The following GYS2 variants were observed in gnomAD, a reference collection of about 807,000 sequenced individuals.
GYS2 encodes glycogen synthase 2.
A neutral mutation model predicts 85.6 loss-of-function variants in GYS2; 80 were observed. The ratio of observed to expected loss-of-function variants is 0.93; its 90% CI spans 0.78 to 1.13. The LOEUF (loss-of-function observed/expected upper bound fraction) is 1.13, where lower values mean the gene tolerates loss of function less well. Among genes scored for constraint, GYS2 ranks in the 50% most tolerant of loss-of-function variants. The pLI is 0.00. For missense variants in GYS2, 881 were observed against 854.9 expected (o/e 1.03, Z -0.38); for synonymous variants, 328 against 300.7 (o/e 1.09, Z -0.94).
intron 10 of GYS2, 134 bp downstream of exon 10, chr12:21,558,957 G>C (rs1848229384): frequency 8.8e-6 from 5 of 568,248 alleles, no homozygotes; most frequent in African/African-American, 1.9e-5. Context: ...AATCATTTAA[G>C]TGACTATGTA....
chr12:21,538,661 T>A (rs1943937554), intron 15 of GYS2, among the ~76,000 whole-genome samples: 1 of 152,180 alleles, frequency 6.6e-6, no homozygotes, highest in African/African-American at 2.4e-5. Flanking sequence ...CTGTGTAGAC[T>A]ACTGCAAGGA....
intron 2 of GYS2, among the ~76,000 whole-genome samples, chr12:21,578,373 C>A (rs900013587): frequency 3.3e-5 from 5 of 152,146 alleles, no homozygotes; most frequent in African/African-American, 4.8e-5. Flanking sequence ...TCTTGGGCCA[C>A]CTTGACCCAT....
rs577813036 is a variant in GYS2 at position 21,536,149 on chromosome 12, A to G, written c.*805T>C. Reference sequence around the variant, plus strand: ...TGTGTTTATTTACTTGGATTTAACAACTTATCATCTATGAAGAAACAAGGC... The same window carrying G: ...TGTGTTTATTTACTTGGATTTAACAGCTTATCATCTATGAAGAAACAAGGC... On this transcript the variant is annotated 3_prime_UTR_variant, in exon 16 of 16. Transcript: ENST00000261195. 6.6e-6 allele frequency: 1 copy of G among 152,336 alleles called. No individual in the cohort carries two copies. The highest frequency in any genetic ancestry group is 2.1e-4 in the South Asian group (1 of 4,820). 9.4% of individuals were successfully genotyped at this position (152,336 alleles called of 1,614,324 possible). A position where few individuals can be genotyped will look rare whatever the true frequency, so the allele number is the denominator to read the frequency against.
At chr12:21,595,068 A>T (rs763699070) in intron 1 of GYS2, among the ~76,000 whole-genome samples, 3 of 152,152 alleles carry the variant, frequency 2.0e-5, no homozygotes, top group Non-Finnish European at 2.9e-5. Context: ...AAAAGAATAA[A>T]ACTGGACTGC....
At chr12:21,598,352 G>C (rs1437831638) in intron 1 of GYS2, among the ~76,000 whole-genome samples, 1 of 151,880 alleles carries the variant, frequency 6.6e-6, no homozygotes. Context: ...AAAGAAAGTC[G>C]ATCTCATATT....
chr12:21,568,036 C>G (rs753950580), intron 5 of GYS2, among the ~76,000 whole-genome samples: 10 of 151,546 alleles, frequency 6.6e-5, no homozygotes, highest in Non-Finnish European at 1.3e-4. Context: ...CACGCCACTG[C>G]ACTCCAGCCT....
Position 21,572,484 on chromosome 12 carries a change from T to G in GYS2, c.678+1660A>C, listed in dbSNP as rs74066717. ...TCTTATGTGTCACCCAAATTCTAAATTTAGTGTGAGCATGGGGGCTTCTGC... is the reference window on the plus strand; with the variant it reads ...TCTTATGTGTCACCCAAATTCTAAAGTTAGTGTGAGCATGGGGGCTTCTGC... On this transcript the variant is annotated intron_variant, in intron 4 of 15. Transcript: ENST00000261195. Among the ~76,000 whole-genome samples, 1,432 of 152,274 alleles carry G rather than the reference T, an allele frequency of 9.4e-3. 24 individuals are homozygous for G. Among genetic ancestry groups the G allele is most frequent in the African/African-American group, 0.032 (1,348 of 41,544 alleles).
At chr12:21,579,930 T>C (rs1428672369) in intron 2 of GYS2, among the ~76,000 whole-genome samples, 1 of 152,258 alleles carries the variant, frequency 6.6e-6, no homozygotes, top group African/African-American at 2.4e-5. Context: ...TCCTTGGTTG[T>C]ACATCATTAG....
chr12:21,591,003 A>C (rs10770839), intron 1 of GYS2, among the ~76,000 whole-genome samples: 87,120 of 152,028 alleles, frequency 0.57, 26,193 homozygotes, highest in East Asian at 0.83. Flanking sequence ...TACAAAAACA[A>C]ATTTACAAAA....
chr12:21,548,399 A>C (rs1445053602), intron 11 of GYS2, among the ~76,000 whole-genome samples: 1 of 152,130 alleles, frequency 6.6e-6, no homozygotes, highest in Non-Finnish European at 1.5e-5. Context: ...GTAGCACATC[A>C]TTATAAAGCA....
In GYS2 at chr12:21,537,195, G is replaced by T; in HGVS notation, c.1891-20C>A. 1 of 1,547,362 alleles carries T rather than the reference G, an allele frequency of 6.5e-7. No individual in the cohort carries two copies. Among genetic ancestry groups the T allele is most frequent in the Non-Finnish European group, 8.9e-7 (1 of 1,119,850 alleles). On this transcript the variant is annotated intron_variant, in intron 15 of 15. Transcript: ENST00000261195. ...TTCTGTCTGCCAAAGACAAAAATAA[G>T]ACATAAACATCACAACAGTTTCTTG...
chr12:21,554,016 C>T (rs1194736467), intron 11 of GYS2, among the ~76,000 whole-genome samples: 1 of 152,164 alleles, frequency 6.6e-6, no homozygotes, highest in Non-Finnish European at 1.5e-5. Context: ...GTGTGAGGCA[C>T]AAGTGCTGCT....
At chr12:21,562,848 A>C in intron 7 of GYS2, 70 bp downstream of exon 7, 1 of 1,574,554 alleles carries the variant, frequency 6.4e-7, no homozygotes, top group East Asian at 2.2e-5. Flanking sequence ...GAAGCCAAAA[A>C]ATTCTTCACT....
In GYS2 at chr12:21,604,827, G is replaced by GT. The variant is rs1944789682; in HGVS notation, c.-236dup. On this transcript the variant is annotated 5_prime_UTR_variant, in exon 1 of 16. Transcript: ENST00000261195. Reference sequence around the variant, plus strand: ...TTTCTGGGCAGGTATTGTGAGGACGGTATCTGCCCTGTCAGTATCTACCCA... The same window carrying GT: ...TTTCTGGGCAGGTATTGTGAGGACGGTTATCTGCCCTGTCAGTATCTACCCA... 3.1e-6 allele frequency: 4 copies of GT among 1,285,588 alleles called. No individual in the cohort carries two copies. The African/African-American group carries it at 4.6e-5, about 15-fold the overall frequency. 79.6% of individuals were successfully genotyped at this position (1,285,588 alleles called of 1,614,324 possible).
At chr12:21,586,659 A>G (rs1944578069) in intron 1 of GYS2, among the ~76,000 whole-genome samples, 1 of 152,304 alleles carries the variant, frequency 6.6e-6, no homozygotes, top group East Asian at 1.9e-4. Flanking sequence ...CTATCATTAT[A>G]AAGTTCAAAA....
chr12:21,567,040 T>C (rs972790157), intron 5 of GYS2, among the ~76,000 whole-genome samples: 2 of 152,016 alleles, frequency 1.3e-5, no homozygotes, highest in African/African-American at 4.8e-5. Context: ...TCATGAAAAA[T>C]AATGGAAACA....
At chr12:21,596,948 C>T (rs544808821) in intron 1 of GYS2, among the ~76,000 whole-genome samples, 3 of 152,246 alleles carry the variant, frequency 2.0e-5, no homozygotes, top group African/African-American at 4.8e-5. Context: ...CTCTTCTATA[C>T]ACCAACAGCA....
At chr12:21,569,710 T>A (rs1944364129) in intron 4 of GYS2, among the ~76,000 whole-genome samples, 1 of 152,220 alleles carries the variant, frequency 6.6e-6, no homozygotes, top group Non-Finnish European at 1.5e-5. Flanking sequence ...AAACTAGCAG[T>A]GTCTAAGAAA....
At chr12:21,567,283 A>C (rs548551272) in intron 5 of GYS2, among the ~76,000 whole-genome samples, 2 of 152,246 alleles carry the variant, frequency 1.3e-5, no homozygotes, top group South Asian at 4.1e-4. Flanking sequence ...TAGAAACCTC[A>C]AGAGAAATTT....
Sources: allele counts gnomAD v4.1 joint callset (sites outside exome capture counted in the v4.1 genomes callset), GRCh38; gene constraint gnomAD v4.1.1; transcripts MANE v1.5; gene names NCBI Gene and HGNC (gene_info 2026-07-23, HGNC 2026-07-21).